Variants in ATP2B1 observed in about 807,000 individuals in gnomAD.
ATP2B1 encodes ATPase plasma membrane Ca2+ transporting 1.
In ATP2B1, 14 loss-of-function variants were observed where a neutral mutation model predicts 124.2. The ratio of observed to expected loss-of-function variants is 0.11; its 90% CI spans 0.07 to 0.18. ATP2B1 has a LOEUF of 0.18. ATP2B1 is among the 10% of genes least tolerant of loss of function. The probability of loss-of-function intolerance (pLI) is 1.00; values close to 1 mark genes in which losing one functional copy is unlikely to be tolerated. For synonymous variants in ATP2B1, 449 were observed against 492.4 expected, an observed-to-expected ratio of 0.91 and a Z score of 1.17; for missense variants, 763 against 1,466.1, an observed-to-expected ratio of 0.52 and a Z score of 7.83.
intron 1 of ATP2B1, among the ~76,000 whole-genome samples, chr12:89,678,046 A>C (rs1466422922): frequency 6.6e-6 from 1 of 150,440 alleles, no homozygotes; most frequent in Non-Finnish European, 1.5e-5. Flanking sequence ...TCATTTAAAA[A>C]AAAAATCCAA....
intron 3 of ATP2B1, among the ~76,000 whole-genome samples, chr12:89,635,829 C>CTTG (rs1882604543): frequency 6.6e-6 from 1 of 152,136 alleles, no homozygotes; most frequent in South Asian, 2.1e-4. Context: ...CAAACTGCTA[C>CTTG]TTGTTATTCC....
At chr12:89,688,072 T>C (rs764916682) in intron 1 of ATP2B1, among the ~76,000 whole-genome samples, 5 of 152,186 alleles carry the variant, frequency 3.3e-5, no homozygotes, top group South Asian at 4.1e-4. Flanking sequence ...AGAGCTCCTA[T>C]GTAAGCACCC....
chr12:89,598,204 T>C (rs1477090635), intron 20 of ATP2B1, among the ~76,000 whole-genome samples: 1 of 152,166 alleles, frequency 6.6e-6, no homozygotes, highest in Non-Finnish European at 1.5e-5. Flanking sequence ...AAAATGCAAT[T>C]TCCTGGTTCT....
At position 89,640,117 on chromosome 12, in the gene ATP2B1, T is replaced by A. The variant is rs977709001; in HGVS notation, c.406+2041A>T. Among the ~76,000 whole-genome samples, 6 of 152,270 alleles carry A rather than the reference T, an allele frequency of 3.9e-5. No homozygotes were observed. In the South Asian group the frequency reaches 8.3e-4, roughly 21 times the overall value. ...TAGACACATAGACCACGGATACATA[T>A]TTAAAATCTTAAAGGATATATACAT... On this transcript the variant is annotated intron_variant, in intron 3 of 20. Transcript: ENST00000428670.
chr12:89,704,903 C>T (rs920610812), intron 1 of ATP2B1, among the ~76,000 whole-genome samples: 1 of 152,074 alleles, frequency 6.6e-6, no homozygotes, highest in Non-Finnish European at 1.5e-5. Context: ...ATATTGGACA[C>T]TATTGAGTAT....
intron 1 of ATP2B1, among the ~76,000 whole-genome samples, chr12:89,693,736 T>C (rs1456627101): frequency 6.6e-6 from 1 of 152,190 alleles, no homozygotes; most frequent in Non-Finnish European, 1.5e-5. Flanking sequence ...GGCAAACCAG[T>C]TATCAAAATG....
At chr12:89,660,413 A>G (rs1886562914) in intron 1 of ATP2B1, among the ~76,000 whole-genome samples, 1 of 152,228 alleles carries the variant, frequency 6.6e-6, no homozygotes, top group African/African-American at 2.4e-5. Context: ...ATGGCATATA[A>G]GAAATGCAAC....
At chr12:89,597,617 G>A (rs888606449) in intron 20 of ATP2B1, among the ~76,000 whole-genome samples, 4 of 152,010 alleles carry the variant, frequency 2.6e-5, no homozygotes, top group Non-Finnish European at 4.4e-5. Flanking sequence ...CTAGTCCTTC[G>A]CTGGCTGGAG....
chr12:89,683,428 A>T (rs1022444544), intron 1 of ATP2B1, among the ~76,000 whole-genome samples: 1 of 152,162 alleles, frequency 6.6e-6, no homozygotes, highest in African/African-American at 2.4e-5. Flanking sequence ...GATATGCCCT[A>T]TCAGAAATCA....
chr12:89,620,117 C>T lies in ATP2B1; in HGVS notation c.1711G>A (p.Ala571Thr), dbSNP rs763438471. The change falls in exon 11 of 21, where the codon GCA becomes ACA. Residue 571 changes from alanine to threonine, a missense_variant. By Grantham distance (58) the Ala-to-Thr change is moderately conservative (BLOSUM62 0). Transcript: ENST00000428670. Reference sequence around the variant, plus strand: ...TTGAAGGTGTAGACTTTGTACAGTGCTTCTTCTGGTATTTCATTTCTAACA... The same window carrying T: ...TTGAAGGTGTAGACTTTGTACAGTGTTTCTTCTGGTATTTCATTTCTAACA... ...QDVRNEIPEE[A>T]LYKVYTFNSV... The T allele has an allele frequency of 1.2e-6, 2 of 1,613,982 alleles. No homozygotes were observed. The highest frequency in any genetic ancestry group is 1.7e-6 in the Non-Finnish European group (2 of 1,180,002).
intron 9 of ATP2B1, among the ~76,000 whole-genome samples, chr12:89,623,343 C>G (rs1212288651): frequency 2.0e-5 from 3 of 150,556 alleles, no homozygotes; most frequent in Non-Finnish European, 4.4e-5. Flanking sequence ...TCAAAATTGT[C>G]CAAGCTACAT....
chr12:89,640,476 G>A (rs960663170), intron 3 of ATP2B1, among the ~76,000 whole-genome samples: 4 of 152,144 alleles, frequency 2.6e-5, no homozygotes, highest in Non-Finnish European at 5.9e-5. Context: ...TATGTCAGTC[G>A]TGCTGCTTCT....
At chr12:89,608,136 C>T (rs1871171200) in intron 15 of ATP2B1, among the ~76,000 whole-genome samples, 1 of 151,944 alleles carries the variant, frequency 6.6e-6, no homozygotes, top group African/African-American at 2.4e-5. Flanking sequence ...TCCAAGCTAC[C>T]AAGCACTTAC....
intron 5 of ATP2B1, among the ~76,000 whole-genome samples, chr12:89,631,070 A>G (rs12581002): frequency 0.096 from 14,529 of 152,062 alleles, 868 homozygotes; most frequent in Middle Eastern, 0.15. Context: ...CCATGTCTTG[A>G]TCAATAAAAT....
chr12:89,650,030 T>C (rs976954200), intron 2 of ATP2B1, among the ~76,000 whole-genome samples: 3 of 152,216 alleles, frequency 2.0e-5, no homozygotes, highest in Non-Finnish European at 2.9e-5. Context: ...CAGATGCTGA[T>C]GCCATGCTTC....
chr12:89,606,958 A>G (rs1167668992), intron 15 of ATP2B1, among the ~76,000 whole-genome samples: 1 of 152,020 alleles, frequency 6.6e-6, no homozygotes, highest in African/African-American at 2.4e-5. Flanking sequence ...TGCAAATCTC[A>G]CCATTCCCTT....
chr12:89,652,447 C>T (rs2136327276), intron 2 of ATP2B1, among the ~76,000 whole-genome samples: 1 of 152,296 alleles, frequency 6.6e-6, no homozygotes, highest in African/African-American at 2.4e-5. Context: ...ACTAAAGGGA[C>T]AGGTAAGACA....
chr12:89,683,268 GC>G (rs1889575689), intron 1 of ATP2B1, among the ~76,000 whole-genome samples: 1 of 152,094 alleles, frequency 6.6e-6, no homozygotes, highest in African/African-American at 2.4e-5. Context: ...CTTTTACACA[GC>G]CATGTGGAGA....
intron 12 of ATP2B1, among the ~76,000 whole-genome samples, chr12:89,612,917 C>A (rs148719178): frequency 6.6e-6 from 1 of 152,130 alleles, no homozygotes; most frequent in African/African-American, 2.4e-5. Flanking sequence ...ATTTACTGAA[C>A]TGCTGAATTA....
Sources: allele counts gnomAD v4.1 joint callset (sites outside exome capture counted in the v4.1 genomes callset), GRCh38; gene constraint gnomAD v4.1.1; transcripts MANE v1.5; gene names NCBI Gene and HGNC (gene_info 2026-07-23, HGNC 2026-07-21).